The following FEM1A variants were observed in gnomAD, a reference collection of about 807,000 sequenced individuals.
FEM1A encodes the protein protein fem-1 homolog A.
In FEM1A, 1 loss-of-function variant was observed where a neutral mutation model predicts 0.7. The ratio of observed to expected loss-of-function variants is 1.35; its 90% CI spans 0.48 to 6.40. FEM1A has a LOEUF of 6.40. Ranked by LOEUF, FEM1A falls within the 30% of genes most tolerant of loss-of-function variation. The pLI, the probability that FEM1A is intolerant of heterozygous loss-of-function variation, is 0.14. For synonymous variants in FEM1A, 391 were observed against 420.6 expected, an observed-to-expected ratio of 0.93 and a Z score of 0.86; for missense variants, 721 against 918.7, an observed-to-expected ratio of 0.78 and a Z score of 2.78.
Position 4,798,049 on chromosome 19 carries a change from A to C in FEM1A, c.*4185A>C, listed in dbSNP as rs1568361145. 1 of 145,650 alleles carries C rather than the reference A, an allele frequency of 6.9e-6. No homozygotes were observed. The highest frequency in any genetic ancestry group is 2.0e-4 in the East Asian group (1 of 5,008). 9.0% of individuals were successfully genotyped at this position (145,650 alleles called of 1,614,324 possible). ...GGAGATCGAGACCATCCTGGCTAAC[A>C]CGGTGAAACCCCGTCTCTACTAAAA... On this transcript the variant is annotated 3_prime_UTR_variant, in exon 1 of 1. Coordinates refer to ENST00000269856, the MANE Select transcript of FEM1A (RefSeq NM_018708.3).
chr19:4,794,679 AC>A lies in FEM1A; in HGVS notation c.*816del, dbSNP rs2093559089. 1 of 166,944 alleles carries A rather than the reference AC, an allele frequency of 6.0e-6. No individual in the cohort carries two copies. Among genetic ancestry groups the A allele is most frequent in the South Asian group, 2.1e-4 (1 of 4,832 alleles). 10.3% of individuals were successfully genotyped at this position (166,944 alleles called of 1,614,324 possible). Reference sequence around the variant, plus strand: ...AATTTGGTGAGCGAGATAAAAGTCCACGGTGTCAACCCCTAAAACATGGGTG... The same window carrying A: ...AATTTGGTGAGCGAGATAAAAGTCCAGGTGTCAACCCCTAAAACATGGGTG... On this transcript the variant is annotated 3_prime_UTR_variant, in exon 1 of 1. Coordinates refer to ENST00000269856, the MANE Select transcript of FEM1A (RefSeq NM_018708.3).
At position 4,798,524 on chromosome 19, in the gene FEM1A, G is replaced by C. The variant is rs961401116; in HGVS notation, c.*4660G>C. On this transcript the variant is annotated 3_prime_UTR_variant, in exon 1 of 1. Transcript: ENST00000269856. ...ACTCGGGAGGCTGAGGCAGGAGAAT[G>C]GTGTGAACTCAGGAGGCGGAGCTTG... 3 of 150,858 alleles carry C rather than the reference G, an allele frequency of 2.0e-5. No homozygotes were observed. Among genetic ancestry groups the C allele is most frequent in the Non-Finnish European group, 4.4e-5 (3 of 67,838 alleles). 9.3% of individuals were successfully genotyped at this position (150,858 alleles called of 1,614,324 possible). A position where few individuals can be genotyped will look rare whatever the true frequency, so the allele number is the denominator to read the frequency against.
rs1237697984 is a variant in FEM1A, at chr19:4,792,687, A to T, written c.833A>T (p.Glu278Val). 1 of 1,612,178 alleles carries T rather than the reference A, an allele frequency of 6.2e-7. No individual in the cohort carries two copies. Residue 278 changes from glutamate (E) to valine (V), a missense_variant, in exon 1 of 1, where the codon GAG becomes GTG. Transcript: ENST00000269856. The surrounding 1 kb of genome is among the most constrained non-coding windows in gnomAD (Gnocchi z 6.7). ...QGAPCCSSSPEEPLNGESYES... is the reference protein window; with the variant it reads ...QGAPCCSSSPVEPLNGESYES... ...GCTCCGTGCTGCAGCTCCTCCCCAGAGGAACCACTGAACGGGGAATCTTAC... is the reference window on the plus strand; with the variant it reads ...GCTCCGTGCTGCAGCTCCTCCCCAGTGGAACCACTGAACGGGGAATCTTAC...
Position 4,793,316 on chromosome 19 carries a change from T to A in FEM1A, c.1462T>A (p.Ser488Thr). The A allele has an allele frequency of 2.0e-5, 32 of 1,612,762 alleles. No individual in the cohort carries two copies. The highest frequency in any genetic ancestry group is 2.6e-5 in the Non-Finnish European group (31 of 1,179,836). ...GCAGCTGCCCAGGGAGCCCGGAGAC[T>A]CAGCCCAGTTCACCAAGGCGCTGGC... ...ALQLPREPGD[S>T]AQFTKALAII... The change falls in exon 1 of 1, where the codon TCA becomes ACA. Residue 488 changes from serine to threonine, a missense_variant. Ser to Thr is a moderately conservative substitution (Grantham distance 58). This residue lies in a region of FEM1A where 379 missense variants were observed against 454.8 expected (regional missense o/e 0.83). Transcript: ENST00000269856. This position sits in a 1 kb window ranked among gnomAD's most constrained non-coding sequence, Gnocchi z 5.1.
rs1468465247 is a variant in FEM1A, at chr19:4,799,018, T to C, written c.*5154T>C. On this transcript the variant is annotated 3_prime_UTR_variant, in exon 1 of 1. Coordinates refer to ENST00000269856, the MANE Select transcript of FEM1A (RefSeq NM_018708.3). ...TGAGGGCCGATCCAGCAGATCCCAG[T>C]TGTTCCTAAAGACCTGGTTGCTAGC... The C allele has an allele frequency of 6.6e-6, 1 of 152,162 alleles. No individual in the cohort carries two copies. Among genetic ancestry groups the C allele is most frequent in the East Asian group, 1.9e-4 (1 of 5,200 alleles). 9.4% of individuals were successfully genotyped at this position (152,162 alleles called of 1,614,324 possible).
chr19:4,795,219 A>G lies in FEM1A; in HGVS notation c.*1355A>G. On this transcript the variant is annotated 3_prime_UTR_variant, in exon 1 of 1. Coordinates refer to ENST00000269856, the MANE Select transcript of FEM1A (RefSeq NM_018708.3). ...GACTCCATCAGCCCAGGCAGACGGG[A>G]GCAGGTTCTTGGCCAGCGTAGACAG... The G allele has an allele frequency of 6.0e-6, 1 of 167,114 alleles. No individual in the cohort carries two copies. 10.4% of individuals were successfully genotyped at this position (167,114 alleles called of 1,614,324 possible).
At position 4,793,615 on chromosome 19, in the gene FEM1A, A is replaced by G. The variant is rs139842720; in HGVS notation, c.1761A>G (p.Ile587Met). Reference protein sequence around the residue: ...RDFDNNTPLHIAAQNNCPAIM... With the variant: ...RDFDNNTPLHMAAQNNCPAIM... The stretch of plus-strand genomic sequence containing the variant: ...TTGACAACAACACCCCGCTACACAT[A>G]GCAGCCCAGAACAACTGCCCGGCCA... The change falls in exon 1 of 1, where the codon ATA becomes ATG. Residue 587 changes from isoleucine to methionine, a missense_variant. By Grantham distance (10) the Ile-to-Met change is conservative (BLOSUM62 1). This residue lies in a region of FEM1A where 379 missense variants were observed against 454.8 expected (regional missense o/e 0.83). Coordinates refer to ENST00000269856, the MANE Select transcript of FEM1A (RefSeq NM_018708.3). The surrounding 1 kb of genome is among the most constrained non-coding windows in gnomAD (Gnocchi z 5.1). 1 of 1,612,572 alleles carries G rather than the reference A, an allele frequency of 6.2e-7. No homozygotes were observed. The highest frequency in any genetic ancestry group is 8.5e-7 in the Non-Finnish European group (1 of 1,179,780).
Position 4,792,743 on chromosome 19 carries a change from G to A in FEM1A, c.889G>A (p.Ala297Thr). 6.2e-7 allele frequency: 1 copy of A among 1,612,078 alleles called. No homozygotes were observed. Among genetic ancestry groups the A allele is most frequent in the South Asian group, 1.1e-5 (1 of 90,994 alleles). ...ESCCPTSREA[A>T]VEALELLGAT... Reference sequence around the variant, plus strand: ...CTGCTGTCCCACCAGCCGGGAAGCTGCCGTGGAAGCCTTGGAATTGCTGGG... The same window carrying A: ...CTGCTGTCCCACCAGCCGGGAAGCTACCGTGGAAGCCTTGGAATTGCTGGG... The change falls in exon 1 of 1, where the codon GCC becomes ACC. Residue 297 changes from alanine to threonine, a missense_variant. Ala to Thr is a moderately conservative substitution (Grantham distance 58). Coordinates refer to ENST00000269856, the MANE Select transcript of FEM1A (RefSeq NM_018708.3). This position sits in a 1 kb window ranked among gnomAD's most constrained non-coding sequence, Gnocchi z 6.7.
chr19:4,794,694 A>T lies in FEM1A; in HGVS notation c.*830A>T, dbSNP rs2093559120. The T allele has an allele frequency of 6.0e-6, 1 of 166,990 alleles. No individual in the cohort carries two copies. Among genetic ancestry groups the T allele is most frequent in the African/African-American group, 2.4e-5 (1 of 41,414 alleles). The allele number at this position is 166,990 out of a possible 1,614,324, so 10.3% of individuals were successfully genotyped here. On this transcript the variant is annotated 3_prime_UTR_variant, in exon 1 of 1. Transcript: ENST00000269856. ...ATAAAAGTCCACGGTGTCAACCCCT[A>T]AAACATGGGTGACCGTACATTTTTA...
rs2093554525 is a variant in FEM1A, at chr19:4,791,771, G to C, written c.-84G>C. On this transcript the variant is annotated 5_prime_UTR_variant, in exon 1 of 1. Coordinates refer to ENST00000269856, the MANE Select transcript of FEM1A (RefSeq NM_018708.3). ...AGATGGCGGCGAGGGGGACGGTGAA[G>C]GTTGCCTCCCGCCCGTCCGGGCTCT... 7.5e-7 allele frequency: 1 copy of C among 1,338,400 alleles called. No individual in the cohort carries two copies. The highest frequency in any genetic ancestry group is 1.5e-5 in the African/African-American group (1 of 64,588). The allele number at this position is 1,338,400 out of a possible 1,614,324, so 82.9% of individuals were successfully genotyped here. A position where few individuals can be genotyped will look rare whatever the true frequency, so the allele number is the denominator to read the frequency against.
Position 4,794,727 on chromosome 19 carries a change from C to T in FEM1A, c.*863C>T, listed in dbSNP as rs1290094446. On this transcript the variant is annotated 3_prime_UTR_variant, in exon 1 of 1. Coordinates refer to ENST00000269856, the MANE Select transcript of FEM1A (RefSeq NM_018708.3). Reference sequence around the variant, plus strand: ...GGTGACCGTACATTTTTATACATCTCCACTCTACGGCCTTTTACAGGCTTT... The same window carrying T: ...GGTGACCGTACATTTTTATACATCTTCACTCTACGGCCTTTTACAGGCTTT... The T allele has an allele frequency of 6.0e-6, 1 of 166,982 alleles. No individual in the cohort carries two copies. Among genetic ancestry groups the T allele is most frequent in the Non-Finnish European group, 1.5e-5 (1 of 68,134 alleles). The allele number at this position is 166,982 out of a possible 1,614,324, so 10.3% of individuals were successfully genotyped here.
rs745376442 is a variant in FEM1A at position 4,793,776 on chromosome 19, G to A, written c.1922G>A (p.Cys641Tyr). ...MQPFNYVTLQ[C>Y]LAARALDKNK... ...CCCTTCAACTACGTGACCCTGCAGT[G>A]CCTTGCGGCCCGGGCCCTGGATAAG... Residue 641 changes from cysteine to tyrosine, a missense_variant, in exon 1 of 1, where the codon TGC becomes TAC. By Grantham distance (194) the Cys-to-Tyr change is radical. This residue lies in a region of FEM1A where 379 missense variants were observed against 454.8 expected (regional missense o/e 0.83). Transcript: ENST00000269856. This position sits in a 1 kb window ranked among gnomAD's most constrained non-coding sequence, Gnocchi z 5.1. The A allele has an allele frequency of 6.2e-7, 1 of 1,611,712 alleles. No individual in the cohort carries two copies. The highest frequency in any genetic ancestry group is 1.1e-5 in the South Asian group (1 of 90,992).
At position 4,792,119 on chromosome 19, in the gene FEM1A, GCCGC is replaced by G. The variant is rs1229948580; in HGVS notation, c.267_270del (p.Ala90ProfsTer19). ...CATCGAGGGCGCGCCGCCGCTGTGG[GCCGC>G]CTCCGCAGCCGGCCACCTGGACGTG... On this transcript the variant is annotated frameshift_variant, in exon 1 of 1. Coordinates refer to ENST00000269856, the MANE Select transcript of FEM1A (RefSeq NM_018708.3). LOFTEE classifies it low-confidence loss of function (END_TRUNC). The surrounding 1 kb of genome is among the most constrained non-coding windows in gnomAD (Gnocchi z 6.7). 1 of 1,521,596 alleles carries G rather than the reference GCCGC, an allele frequency of 6.6e-7. No homozygotes were observed. The highest frequency in any genetic ancestry group is 8.8e-7 in the Non-Finnish European group (1 of 1,140,582). The allele number at this position is 1,521,596 out of a possible 1,614,324, so 94.3% of individuals were successfully genotyped here.
chr19:4,792,519 C>A lies in FEM1A; in HGVS notation c.665C>A (p.Ala222Asp), dbSNP rs1171726810. Residue 222 changes from alanine (A) to aspartate (D), a missense_variant, in exon 1 of 1, where the codon GCC (alanine) becomes GAC (aspartate). Around this residue, in one of 4 missense-constraint regions of FEM1A, gnomAD observed 137 missense variants for 121.7 expected, o/e 1.13. Coordinates refer to ENST00000269856, the MANE Select transcript of FEM1A (RefSeq NM_018708.3). This position sits in a 1 kb window ranked among gnomAD's most constrained non-coding sequence, Gnocchi z 6.7. ...TACGGCATGACCCCGCTGCTCGCGG[C>A]CAGCGTGACGGGCCACACCAACATC... is the stretch of plus-strand genomic sequence containing the variant. Reference protein sequence around the residue: ...DGYGMTPLLAASVTGHTNIVE... With the variant: ...DGYGMTPLLADSVTGHTNIVE... The A allele has an allele frequency of 6.3e-7, 1 of 1,599,512 alleles. No individual in the cohort carries two copies. Among genetic ancestry groups the A allele is most frequent in the Non-Finnish European group, 8.5e-7 (1 of 1,179,682 alleles).
rs150899269 is a variant in FEM1A at position 4,793,215 on chromosome 19, G to T, written c.1361G>T (p.Ser454Ile). ...YVLQDRAAKG[S>I]LGTQIGFADL... ...CTTCAGGACCGGGCCGCCAAAGGCA[G>T]CCTGGGCACCCAGATCGGCTTTGCA... Residue 454 changes from serine to isoleucine, a missense_variant, in exon 1 of 1, where the codon AGC becomes ATC. Coordinates refer to ENST00000269856, the MANE Select transcript of FEM1A (RefSeq NM_018708.3). The surrounding 1 kb of genome is among the most constrained non-coding windows in gnomAD (Gnocchi z 5.1). The T allele has an allele frequency of 1.9e-6, 3 of 1,613,370 alleles. No individual in the cohort carries two copies. Among genetic ancestry groups the T allele is most frequent in the Middle Eastern group, 1.6e-4 (1 of 6,076 alleles).
chr19:4,792,657 A>AG lies in FEM1A; in HGVS notation c.808dup (p.Ala270GlyfsTer42), dbSNP rs777481204. On this transcript the variant is annotated frameshift_variant, in exon 1 of 1. Coordinates refer to ENST00000269856, the MANE Select transcript of FEM1A (RefSeq NM_018708.3). LOFTEE classifies it low-confidence loss of function (END_TRUNC). This position sits in a 1 kb window ranked among gnomAD's most constrained non-coding sequence, Gnocchi z 6.7. ...ACCAGCCAGGGGTGTGCGCAGCCTCAGGGGGCTCCGTGCTGCAGCTCCTCC... is the reference window on the plus strand; with the variant it reads ...ACCAGCCAGGGGTGTGCGCAGCCTCAGGGGGGCTCCGTGCTGCAGCTCCTCC... The AG allele has an allele frequency of 1.9e-6, 3 of 1,611,956 alleles. No individual in the cohort carries two copies. In the South Asian group the frequency reaches 3.3e-5, roughly 18 times the overall value.
In FEM1A at chr19:4,797,254, C is replaced by A. The variant is rs1263679159; in HGVS notation, c.*3390C>A. The A allele has an allele frequency of 6.9e-6, 1 of 145,856 alleles. No individual in the cohort carries two copies. Among genetic ancestry groups the A allele is most frequent in the Non-Finnish European group, 1.5e-5 (1 of 66,976 alleles). 9.0% of individuals were successfully genotyped at this position (145,856 alleles called of 1,614,324 possible). A position where few individuals can be genotyped will look rare whatever the true frequency, so the allele number is the denominator to read the frequency against. On this transcript the variant is annotated 3_prime_UTR_variant, in exon 1 of 1. Transcript: ENST00000269856. Reference sequence around the variant, plus strand: ...TCGGCTCACTGCAAGCTCAGCCTCCCGGGTTCACACCATTCTCCTGCCTCA... The same window carrying A: ...TCGGCTCACTGCAAGCTCAGCCTCCAGGGTTCACACCATTCTCCTGCCTCA...
In FEM1A at chr19:4,791,959, G is replaced by T. The variant is rs1266335058; in HGVS notation, c.105G>T (p.Thr35=). 6.5e-7 allele frequency: 1 copy of T among 1,532,754 alleles called. No homozygotes were observed. The highest frequency in any genetic ancestry group is 8.7e-7 in the Non-Finnish European group (1 of 1,146,982). The allele number at this position is 1,532,754 out of a possible 1,614,324, so 94.9% of individuals were successfully genotyped here. Residue 35 remains threonine, a synonymous_variant, in exon 1 of 1, where the codon ACG becomes ACT. Coordinates refer to ENST00000269856, the MANE Select transcript of FEM1A (RefSeq NM_018708.3). The part of the protein sequence containing the change: ...GRSREELDEL[T]GEVAGGGTPL... ...GCCGGGAGGAACTGGACGAGCTGAC[G>T]GGCGAGGTGGCCGGCGGGGGAACGC... is the stretch of plus-strand genomic sequence containing the variant.
Position 4,792,236 on chromosome 19 carries a change from C to T in FEM1A, c.382C>T (p.His128Tyr). The T allele has an allele frequency of 6.6e-7, 1 of 1,515,934 alleles. No homozygotes were observed. The highest frequency in any genetic ancestry group is 8.8e-7 in the Non-Finnish European group (1 of 1,134,668). The allele number at this position is 1,515,934 out of a possible 1,614,324, so 93.9% of individuals were successfully genotyped here. ...TPLRAACFDG[H>Y]LEVVRYLVGE... ...TCTCCGCGCCGCCTGCTTCGACGGC[C>T]ACCTGGAGGTGGTGCGCTACCTGGT... is the stretch of plus-strand genomic sequence containing the variant. The change falls in exon 1 of 1, where the codon CAC (histidine) becomes TAC (tyrosine). Residue 128 changes from histidine (H) to tyrosine (Y), a missense_variant. His to Tyr is a moderately conservative substitution (Grantham distance 83). This residue lies in a region of FEM1A where 195 missense variants were observed against 316.9 expected (regional missense o/e 0.62). Transcript: ENST00000269856. The surrounding 1 kb of genome is among the most constrained non-coding windows in gnomAD (Gnocchi z 6.7).
Sources: allele counts gnomAD v4.1 joint callset, GRCh38; gene constraint gnomAD v4.1.1; regional missense constraint gnomAD v4.1.1; non-coding constraint Gnocchi (gnomAD v3.1); transcripts MANE v1.5; gene names NCBI Gene and HGNC (gene_info 2026-07-23, HGNC 2026-07-21).